The following PCDH9 variants were observed in gnomAD, a reference collection of about 807,000 sequenced individuals.
The protein encoded by PCDH9 is protocadherin-9.
In PCDH9, 24 loss-of-function variants were observed where a neutral mutation model predicts 70.6. That is an observed-to-expected ratio of 0.34 (90% CI 0.25 to 0.48). PCDH9 has a LOEUF of 0.48. Among genes scored for constraint, PCDH9 ranks in the 20% least tolerant of loss-of-function variants. The pLI is 0.99. For synonymous variants in PCDH9, 562 were observed against 558.5 expected (o/e 1.01, Z -0.09); for missense variants, 1,281 against 1,503.6 (o/e 0.85, Z 2.45).
At chr13:66,898,667 A>G (rs1449936042) in intron 3 of PCDH9, among the ~76,000 whole-genome samples, 1 of 152,062 alleles carries the variant, frequency 6.6e-6, no homozygotes, top group East Asian at 1.9e-4. Context: ...TTCATACACT[A>G]AATCAGATTT....
chr13:67,228,296 T>A lies in PCDH9; in HGVS notation c.145A>T (p.Ile49Phe). 1.2e-6 allele frequency: 2 copies of A among 1,614,150 alleles called. No homozygotes were observed. The highest frequency in any genetic ancestry group is 1.7e-6 in the Non-Finnish European group (2 of 1,180,022). The change falls in exon 2 of 5, where the codon ATT becomes TTT. Residue 49 changes from isoleucine to phenylalanine, a missense_variant. Physicochemically the swap from Ile to Phe is conservative, Grantham distance 21. Coordinates refer to ENST00000377865, the MANE Select transcript of PCDH9 (RefSeq NM_203487.3). ...CCTGTGGCAGCATTGATGTGAGAAA[T>A]GTTCAGATCCTTTGGTATGTTTCCT... ...PIGNIPKDLN[I>F]SHINAATGTS...
intron 2 of PCDH9, among the ~76,000 whole-genome samples, chr13:67,056,672 C>T (rs2085426464): frequency 6.6e-6 from 1 of 152,116 alleles, no homozygotes; most frequent in Non-Finnish European, 1.5e-5. Context: ...TGTATTTCCT[C>T]CTCTGCAAAG....
chr13:66,862,735 A>C (rs1269794729), intron 3 of PCDH9, among the ~76,000 whole-genome samples: 1 of 152,228 alleles, frequency 6.6e-6, no homozygotes, highest in Admixed American at 6.5e-5. Context: ...TCCCCTTCTC[A>C]AAAAGAATGA....
chr13:67,016,170 T>C (rs2181753), intron 2 of PCDH9, among the ~76,000 whole-genome samples: 55,380 of 151,938 alleles, frequency 0.36, 10,701 homozygotes, highest in East Asian at 0.59. Context: ...AGTATCATCA[T>C]GACTCCTTAC....
rs550488953 is a variant in PCDH9 at position 67,228,575 on chromosome 13, G to T, written c.-135C>A. On this transcript the variant is annotated splice_region_variant and 5_prime_UTR_variant, in exon 2 of 5. Coordinates refer to ENST00000377865, the MANE Select transcript of PCDH9 (RefSeq NM_203487.3). Reference sequence around the variant, plus strand: ...TCTCATCACTTATTTGGAGACAGCCGCTGTCAACACAATTGTATAGACAAT... The same window carrying T: ...TCTCATCACTTATTTGGAGACAGCCTCTGTCAACACAATTGTATAGACAAT... 3.2e-6 allele frequency: 2 copies of T among 617,486 alleles called. No individual in the cohort carries two copies. Among genetic ancestry groups the T allele is most frequent in the Non-Finnish European group, 5.5e-6 (2 of 366,578 alleles). 38.3% of individuals were successfully genotyped at this position (617,486 alleles called of 1,614,324 possible). A position where few individuals can be genotyped will look rare whatever the true frequency, so the allele number is the denominator to read the frequency against.
At chr13:66,564,316 C>T (rs1321873733) in intron 4 of PCDH9, among the ~76,000 whole-genome samples, 2 of 150,970 alleles carry the variant, frequency 1.3e-5, no homozygotes, top group Non-Finnish European at 2.9e-5. Flanking sequence ...AGGTGCACGC[C>T]ACTATGCACA....
At chr13:66,645,972 A>T (rs931428830) in intron 3 of PCDH9, among the ~76,000 whole-genome samples, 3 of 152,194 alleles carry the variant, frequency 2.0e-5, no homozygotes, top group African/African-American at 4.8e-5. Context: ...TTACACTGGG[A>T]GGCTACAATT....
At chr13:66,459,483 T>A (rs1958380216) in intron 4 of PCDH9, among the ~76,000 whole-genome samples, 1 of 151,938 alleles carries the variant, frequency 6.6e-6, no homozygotes, top group Non-Finnish European at 1.5e-5. Context: ...TTTTTTTTTA[T>A]ATTTTAGTTT....
intron 3 of PCDH9, among the ~76,000 whole-genome samples, chr13:66,848,839 A>G (rs535859929): frequency 6.6e-6 from 1 of 150,918 alleles, no homozygotes; most frequent in Admixed American, 6.6e-5. Flanking sequence ...GAGGCAGGAG[A>G]ATGGCGTGAA....
At chr13:66,568,654 A>T (rs35049183) in intron 4 of PCDH9, among the ~76,000 whole-genome samples, 1 of 150,718 alleles carries the variant, frequency 6.6e-6, no homozygotes, top group Admixed American at 6.6e-5. Context: ...CCTGAATGAC[A>T]GGGGAAAAAC....
At chr13:66,737,848 C>A (rs544372502) in intron 3 of PCDH9, among the ~76,000 whole-genome samples, 26 of 152,250 alleles carry the variant, frequency 1.7e-4, no homozygotes, top group Non-Finnish European at 3.5e-4. Flanking sequence ...GGGTCCTACG[C>A]CCATGGAATC....
chr13:66,943,782 C>T lies in PCDH9; in HGVS notation c.3037-40177G>A, dbSNP rs187237415. On this transcript the variant is annotated intron_variant, in intron 2 of 4. Transcript: ENST00000377865. ...AAAACTTCAAGCAATTCATCTGTAT[C>T]GGCATGGAGAGGAGGAAAATGAGAC... 4.6e-5 allele frequency among the ~76,000 whole-genome samples: 7 copies of T among 152,028 alleles called. No individual in the cohort carries two copies. In the East Asian group the frequency reaches 1.2e-3, roughly 25 times the overall value.
chr13:66,987,587 A>AT (rs991127341), intron 2 of PCDH9, among the ~76,000 whole-genome samples: 1 of 151,974 alleles, frequency 6.6e-6, no homozygotes, highest in Non-Finnish European at 1.5e-5. Context: ...TACGCACCTC[A>AT]TTTTTTTAAT....
At chr13:66,695,287 C>G (rs1242366753) in intron 3 of PCDH9, among the ~76,000 whole-genome samples, 1 of 152,156 alleles carries the variant, frequency 6.6e-6, no homozygotes, top group Non-Finnish European at 1.5e-5. Flanking sequence ...TTTACTAAAT[C>G]TGAGAATTAA....
chr13:67,018,784 A>G (rs957599501), intron 2 of PCDH9, among the ~76,000 whole-genome samples: 2 of 152,148 alleles, frequency 1.3e-5, no homozygotes, highest in African/African-American at 4.8e-5. Flanking sequence ...CTCTGCCTCT[A>G]TTCTCAATAA....
intron 2 of PCDH9, among the ~76,000 whole-genome samples, chr13:66,927,801 T>C (rs1236262023): frequency 1.3e-5 from 2 of 152,068 alleles, no homozygotes; most frequent in Non-Finnish European, 2.9e-5. Flanking sequence ...TTTATTACCT[T>C]GTTAAAGATC....
intron 3 of PCDH9, among the ~76,000 whole-genome samples, chr13:66,719,980 T>C (rs574189238): frequency 1.3e-5 from 2 of 152,262 alleles, no homozygotes; most frequent in African/African-American, 2.4e-5. Flanking sequence ...GTGGACTTTA[T>C]GCTATAATTA....
At chr13:66,482,095 T>G (rs939857098) in intron 4 of PCDH9, among the ~76,000 whole-genome samples, 1 of 152,152 alleles carries the variant, frequency 6.6e-6, no homozygotes, top group East Asian at 1.9e-4. Context: ...GTGAGTTTAT[T>G]AGTGTGGGAT....
At chr13:66,648,681 C>G (rs2077806424) in intron 3 of PCDH9, among the ~76,000 whole-genome samples, 1 of 151,986 alleles carries the variant, frequency 6.6e-6, no homozygotes, top group African/African-American at 2.4e-5. Context: ...CAAACATTCT[C>G]AAGTATCAAG....
Sources: gnomAD v4.1 joint callset for allele counts (sites outside exome capture counted in the v4.1 genomes callset) on GRCh38, gnomAD v4.1.1 for gene constraint, MANE v1.5 for transcripts, NCBI Gene and HGNC (gene_info 2026-07-23, HGNC 2026-07-21) for gene names.